The following PANK1 variants were observed in gnomAD, a reference collection of about 807,000 sequenced individuals.
The protein encoded by PANK1 is pantothenic acid kinase 1.
A neutral mutation model predicts 40.1 loss-of-function variants in PANK1; 18 were observed. The observed-to-expected ratio is 0.45, with a 90% CI of 0.31 to 0.67. The LOEUF is 0.67. PANK1 is among the 30% of genes least tolerant of loss of function. The pLI, the probability that PANK1 is intolerant of heterozygous loss-of-function variation, is 0.06. For synonymous variants in PANK1, 242 were observed against 237.7 expected, an observed-to-expected ratio of 1.02 and a Z score of -0.17; for missense variants, 457 against 599.6, an observed-to-expected ratio of 0.76 and a Z score of 2.48.
intron 1 of PANK1, among the ~76,000 whole-genome samples, chr10:89,618,564 A>G (rs1845387877): frequency 6.6e-6 from 1 of 152,190 alleles, no homozygotes; most frequent in Non-Finnish European, 1.5e-5. Flanking sequence ...TAACCAGAAG[A>G]GCAACCTGTG....
Position 89,588,702 on chromosome 10 carries a change from T to G in PANK1, c.1276A>C (p.Met426Leu), listed in dbSNP as rs754458219. Residue 426 changes from methionine (M) to leucine (L), a missense_variant, in exon 6 of 7, where the codon ATG (methionine) becomes CTG (leucine). Physicochemically the swap from Met to Leu is conservative, Grantham distance 15. Coordinates refer to ENST00000307534, the MANE Select transcript of PANK1 (RefSeq NM_148977.3). ...AGTTGTCCTTTGGACCAAAAATCCA[T>G]GGCATATGCCAGCAGCTTCATGGAG... The part of the protein sequence containing the change: ...MVSMKLLAYA[M>L]DFWSKGQLKA... 1 of 1,606,588 alleles carries G rather than the reference T, an allele frequency of 6.2e-7. No individual in the cohort carries two copies. The highest frequency in any genetic ancestry group is 1.7e-5 in the Admixed American group (1 of 58,972).
Position 89,644,923 on chromosome 10 carries a change from C to T in PANK1, c.-32G>A, listed in dbSNP as rs767329672. The T allele has an allele frequency of 1.2e-5, 19 of 1,550,206 alleles. No homozygotes were observed. The highest frequency in any genetic ancestry group is 5.8e-5 in the Admixed American group (3 of 51,772). On this transcript the variant is annotated 5_prime_UTR_variant, in exon 1 of 7. Coordinates refer to ENST00000307534, the MANE Select transcript of PANK1 (RefSeq NM_148977.3). ...GGCTGGCGGGGCTGTGCGCGGGCCC[C>T]GGCTCAGGCGGCCTCGCTGGAGGTC...
intron 1 of PANK1, among the ~76,000 whole-genome samples, chr10:89,638,995 C>T (rs565761399): frequency 6.6e-6 from 1 of 152,346 alleles, no homozygotes; most frequent in South Asian, 2.1e-4. Context: ...TACCTGTTAC[C>T]CAGTTCCAAA....
At chr10:89,587,726 G>C (rs1235613925) in intron 6 of PANK1, among the ~76,000 whole-genome samples, 1 of 152,066 alleles carries the variant, frequency 6.6e-6, no homozygotes, top group Non-Finnish European at 1.5e-5. Context: ...ACATTTTAAG[G>C]TATAATAAAA....
At chr10:89,633,831 T>C (rs1841720913) in intron 1 of PANK1, among the ~76,000 whole-genome samples, 1 of 152,182 alleles carries the variant, frequency 6.6e-6, no homozygotes, top group South Asian at 2.1e-4. Flanking sequence ...GCAACCCAGG[T>C]CAATACTTAC....
intron 3 of PANK1, among the ~76,000 whole-genome samples, chr10:89,596,382 C>T (rs574880574): frequency 1.3e-5 from 2 of 152,242 alleles, no homozygotes; most frequent in South Asian, 2.1e-4. Flanking sequence ...AACCCATTGG[C>T]TGATGTGTTG....
At chr10:89,626,789 C>G (rs888766339) in intron 1 of PANK1, among the ~76,000 whole-genome samples, 3 of 152,060 alleles carry the variant, frequency 2.0e-5, no homozygotes, top group African/African-American at 4.8e-5. Context: ...CTTCTAATGC[C>G]CGGCACTAAG....
Position 89,643,638 on chromosome 10 carries a change from T to C in PANK1, c.292+962A>G, listed in dbSNP as rs913244249. On this transcript the variant is annotated intron_variant, in intron 1 of 6. Transcript: ENST00000307534. ...CAAAACCTACTTAACAATTTCCCTA[T>C]ATCGAACAGCATAACCTCTATGCAA... is the stretch of plus-strand genomic sequence containing the variant. 25 of 1,330,788 alleles carry C rather than the reference T, an allele frequency of 1.9e-5. No homozygotes were observed. In the Admixed American group the frequency reaches 3.8e-4, roughly 20 times the overall value. 82.4% of individuals were successfully genotyped at this position (1,330,788 alleles called of 1,614,324 possible). A position where few individuals can be genotyped will look rare whatever the true frequency, so the allele number is the denominator to read the frequency against.
At chr10:89,604,044 G>T (rs1455516087) in intron 2 of PANK1, among the ~76,000 whole-genome samples, 2 of 152,098 alleles carry the variant, frequency 1.3e-5, no homozygotes, top group Admixed American at 1.3e-4. Context: ...TTTTAAGACT[G>T]GTCCCTTGGA....
At chr10:89,614,878 C>T (rs1240780422) in intron 1 of PANK1, among the ~76,000 whole-genome samples, 3 of 151,342 alleles carry the variant, frequency 2.0e-5, no homozygotes, top group African/African-American at 7.3e-5. Context: ...GCAAGAAATG[C>T]CTAGAAGTGT....
Position 89,608,180 on chromosome 10 carries a change from C to T in PANK1, c.645+3516G>A, listed in dbSNP as rs570870708. Reference sequence around the variant, plus strand: ...CCAAGCAGCTGGGACTACAGGCGCCCGCGACCACGCCCGGCTGATTTTTTG... The same window carrying T: ...CCAAGCAGCTGGGACTACAGGCGCCTGCGACCACGCCCGGCTGATTTTTTG... On this transcript the variant is annotated intron_variant, in intron 2 of 6. Transcript: ENST00000307534. Among the ~76,000 whole-genome samples, 11 of 151,988 alleles carry T rather than the reference C, an allele frequency of 7.2e-5. No homozygotes were observed. The South Asian group carries it at 1.3e-3, about 17-fold the overall frequency.
At chr10:89,620,770 CA>C (rs1845458517) in intron 1 of PANK1, among the ~76,000 whole-genome samples, 1 of 152,126 alleles carries the variant, frequency 6.6e-6, no homozygotes, top group African/African-American at 2.4e-5. Context: ...TTTTGTAGCT[CA>C]GGGGGCATCA....
At chr10:89,586,992 G>A (rs1001610951) in intron 6 of PANK1, among the ~76,000 whole-genome samples, 8 of 151,974 alleles carry the variant, frequency 5.3e-5, no homozygotes, top group Non-Finnish European at 1.0e-4. Context: ...GTGTGGTGGC[G>A]CACGTCTGTA....
At chr10:89,580,410 A>G (rs1358954413), downstream of PANK1, 1 of 152,214 alleles carries the variant, frequency 6.6e-6, no homozygotes, top group African/African-American at 2.4e-5. Flanking sequence ...CAATGTTAGC[A>G]TGGAAGACAA....
intron 2 of PANK1, among the ~76,000 whole-genome samples, chr10:89,599,958 C>G (rs988309919): frequency 1.9e-4 from 29 of 152,146 alleles, no homozygotes; most frequent in African/African-American, 6.5e-4. Context: ...TTAAAAGATG[C>G]AAAGGAGAAG....
rs551742950 is a variant in PANK1, at chr10:89,589,345, C to A, written c.1201-568G>T. Among the ~76,000 whole-genome samples, 171 of 152,278 alleles carry A rather than the reference C, an allele frequency of 1.1e-3. 1 individual carries two copies. The highest frequency in any genetic ancestry group is 3.9e-3 in the African/African-American group (164 of 41,546). On this transcript the variant is annotated intron_variant, in intron 5 of 6. Transcript: ENST00000307534. The stretch of plus-strand genomic sequence containing the variant: ...TAAAATATGGTAACAAAAAATAATT[C>A]TATTTTTGTCATCATGGATGTGGCT...
rs1394523719 is a variant in PANK1 at position 89,601,312 on chromosome 10, A to AAC, written c.646-1808_646-1807insGT. 2.1e-5 allele frequency among the ~76,000 whole-genome samples: 3 copies of AAC among 139,550 alleles called. No homozygotes were observed. The East Asian group carries it at 6.5e-4, about 30-fold the overall frequency. The allele number at this position is 139,550 out of a possible 152,430, so 91.6% of individuals were successfully genotyped here. On this transcript the variant is annotated intron_variant, in intron 2 of 6. Coordinates refer to ENST00000307534, the MANE Select transcript of PANK1 (RefSeq NM_148977.3). The stretch of plus-strand genomic sequence containing the variant: ...CAATATACGGAGACCCATCTCTTAA[A>AAC]AAAAAAAAAAAAAAAAAAAAAAAGC...
intron 1 of PANK1, among the ~76,000 whole-genome samples, chr10:89,629,115 AAAAG>A (rs1197921868): frequency 2.6e-5 from 4 of 152,248 alleles, no homozygotes; most frequent in African/African-American, 9.6e-5. Flanking sequence ...ATAAAATTAA[AAAAG>A]AAGAGTACAT....
At chr10:89,581,978 A>G (rs1237871921), downstream of PANK1, 1 of 152,260 alleles carries the variant, frequency 6.6e-6, no homozygotes, top group Non-Finnish European at 1.5e-5. Context: ...CCCACAATCC[A>G]GAAAGTTAAG....
Sources: gnomAD v4.1 joint callset for allele counts (sites outside exome capture counted in the v4.1 genomes callset) on GRCh38, gnomAD v4.1.1 for gene constraint, MANE v1.5 for transcripts, NCBI Gene and HGNC (gene_info 2026-07-23, HGNC 2026-07-21) for gene names.